GRM8: variants seen among roughly 807,000 people sequenced by gnomAD.
GRM8 encodes metabotropic glutamate receptor 8.
GRM8 carries 47 observed loss-of-function variants against 87.2 expected under a neutral mutation model. The observed-to-expected ratio is 0.54, with a 90% CI of 0.43 to 0.69. The LOEUF (loss-of-function observed/expected upper bound fraction) is 0.69, where lower values mean the gene tolerates loss of function less well. Among genes scored for constraint, GRM8 ranks in the 30% least tolerant of loss-of-function variants. The pLI is 0.00. For synonymous variants in GRM8, 396 were observed against 404.5 expected (o/e 0.98, Z 0.25); for missense variants, 1,019 against 1,139.2 (o/e 0.89, Z 1.52).
chr7:127,036,698 T>C (rs1817882138), intron 3 of GRM8, among the ~76,000 whole-genome samples: 1 of 152,112 alleles, frequency 6.6e-6, no homozygotes, highest in Non-Finnish European at 1.5e-5. Flanking sequence ...GGCTAGGAGA[T>C]TGTAAGGACA....
chr7:127,109,689 A>G (rs915380672), intron 2 of GRM8, among the ~76,000 whole-genome samples: 3 of 152,144 alleles, frequency 2.0e-5, no homozygotes, highest in African/African-American at 7.2e-5. Context: ...TGATCCTCTC[A>G]AGACCAAGCA....
intron 7 of GRM8, among the ~76,000 whole-genome samples, chr7:126,661,324 CTT>C (rs1335361923): frequency 6.6e-6 from 1 of 152,072 alleles, no homozygotes; most frequent in Non-Finnish European, 1.5e-5. Flanking sequence ...CAAATTAAAA[CTT>C]AAAAAAATCT....
At chr7:126,585,901 G>T (rs531638215) in intron 8 of GRM8, among the ~76,000 whole-genome samples, 2 of 152,172 alleles carry the variant, frequency 1.3e-5, no homozygotes, top group Admixed American at 1.3e-4. Flanking sequence ...GTCCCTGTTT[G>T]TAGATGACAT....
chr7:127,154,557 T>C (rs945155333), intron 2 of GRM8, among the ~76,000 whole-genome samples: 1 of 152,072 alleles, frequency 6.6e-6, no homozygotes, highest in Admixed American at 6.6e-5. Context: ...GCTTTAGGCA[T>C]GGAAGAAACT....
Position 126,829,211 on chromosome 7 carries a change from A to G in GRM8, c.1157-59146T>C, listed in dbSNP as rs1472077902. 1.1e-4 allele frequency among the ~76,000 whole-genome samples: 17 copies of G among 147,836 alleles called. No individual in the cohort carries two copies. In the East Asian group the frequency reaches 3.3e-3, roughly 29 times the overall value. On this transcript the variant is annotated intron_variant, in intron 6 of 10. Transcript: ENST00000339582. Reference sequence around the variant, plus strand: ...GGGGTGGAGAGTTCTGTAGATGTCTATTAGGTCTGCTTGGTGCAGAGCTGA... The same window carrying G: ...GGGGTGGAGAGTTCTGTAGATGTCTGTTAGGTCTGCTTGGTGCAGAGCTGA...
At chr7:126,673,759 A>C (rs1055880449) in intron 7 of GRM8, among the ~76,000 whole-genome samples, 2 of 152,222 alleles carry the variant, frequency 1.3e-5, no homozygotes, top group Non-Finnish European at 2.9e-5. Flanking sequence ...CCAAATTCTA[A>C]CATTTAATAG....
At chr7:126,531,664 T>C (rs997291022) in intron 9 of GRM8, among the ~76,000 whole-genome samples, 4 of 152,232 alleles carry the variant, frequency 2.6e-5, no homozygotes, top group African/African-American at 9.6e-5. Context: ...AAATTTTCCT[T>C]CAAAAAACCT....
chr7:126,927,220 C>G lies in GRM8; in HGVS notation c.728-22537G>C, dbSNP rs528212499. On this transcript the variant is annotated intron_variant, in intron 3 of 10. Coordinates refer to ENST00000339582, the MANE Select transcript of GRM8 (RefSeq NM_000845.3). Reference sequence around the variant, plus strand: ...GTGCTTTCACAGCTCACTGTAATCTCAAACTCCTGGGCTCAACTGATCTTA... The same window carrying G: ...GTGCTTTCACAGCTCACTGTAATCTGAAACTCCTGGGCTCAACTGATCTTA... 3.5e-4 allele frequency among the ~76,000 whole-genome samples: 54 copies of G among 152,176 alleles called. 1 individual carries two copies. The highest frequency in any genetic ancestry group is 5.9e-5 in the Non-Finnish European group (4 of 68,030).
intron 9 of GRM8, among the ~76,000 whole-genome samples, chr7:126,459,778 A>G (rs1803684743): frequency 6.6e-6 from 1 of 151,414 alleles, no homozygotes; most frequent in Non-Finnish European, 1.5e-5. Context: ...GCCCTATGAT[A>G]AGGAGAGTTG....
At chr7:126,902,302 C>T (rs1802165821) in intron 6 of GRM8, among the ~76,000 whole-genome samples, 1 of 152,058 alleles carries the variant, frequency 6.6e-6, no homozygotes, top group African/African-American at 2.4e-5. Flanking sequence ...CCCAGATACC[C>T]CAGTACTGTA....
At chr7:127,052,778 C>T (rs1819620943) in intron 3 of GRM8, among the ~76,000 whole-genome samples, 1 of 152,138 alleles carries the variant, frequency 6.6e-6, no homozygotes, top group South Asian at 2.1e-4. Context: ...CTTAGTTTCT[C>T]ATGTTTAGGA....
chr7:126,456,514 C>A (rs1584671081), intron 9 of GRM8, among the ~76,000 whole-genome samples: 1 of 23,906 alleles, frequency 4.2e-5, no homozygotes, highest in Non-Finnish European at 6.5e-5. Context: ...AAGAAAGCAG[C>A]AAGCTAAAAA....
At chr7:127,117,058 A>G (rs1826738382) in intron 2 of GRM8, among the ~76,000 whole-genome samples, 1 of 152,214 alleles carries the variant, frequency 6.6e-6, no homozygotes, top group South Asian at 2.1e-4. Flanking sequence ...CTAAGAAGCA[A>G]CTTTAAGTCA....
chr7:126,904,363 A>AC (rs2131231740), intron 4 of GRM8, among the ~76,000 whole-genome samples, 185 bp downstream of exon 4: 1 of 152,236 alleles, frequency 6.6e-6, no homozygotes, highest in East Asian at 1.9e-4. Flanking sequence ...TCTGTCTATC[A>AC]CCTTTGTTTG....
At chr7:126,951,580 G>C (rs1010256867) in intron 3 of GRM8, among the ~76,000 whole-genome samples, 5 of 152,040 alleles carry the variant, frequency 3.3e-5, no homozygotes, top group African/African-American at 1.2e-4. Context: ...ACAGTATCTT[G>C]ACTGGATACC....
chr7:126,655,803 T>G (rs1355108701), intron 7 of GRM8, among the ~76,000 whole-genome samples: 1 of 152,152 alleles, frequency 6.6e-6, no homozygotes, highest in Non-Finnish European at 1.5e-5. Flanking sequence ...ATTTAAAACA[T>G]CCACATGTGG....
intron 7 of GRM8, among the ~76,000 whole-genome samples, chr7:126,645,873 T>C (rs1216933874): frequency 4.6e-5 from 7 of 152,296 alleles, no homozygotes; most frequent in African/African-American, 1.2e-4. Flanking sequence ...TAAATCTCAG[T>C]TTCCATTTGC....
intron 9 of GRM8, among the ~76,000 whole-genome samples, chr7:126,468,974 C>G (rs1346918748): frequency 1.3e-5 from 2 of 152,064 alleles, no homozygotes; most frequent in African/African-American, 4.8e-5. Context: ...ATAGAAAAGA[C>G]AATTGGAGAA....
intron 7 of GRM8, among the ~76,000 whole-genome samples, chr7:126,677,292 A>G (rs749666353): frequency 6.6e-6 from 1 of 151,994 alleles, no homozygotes; most frequent in Non-Finnish European, 1.5e-5. Flanking sequence ...ATAGCACGGA[A>G]ATTTCTCAAA....
Sources: gnomAD v4.1 joint callset for allele counts (sites outside exome capture counted in the v4.1 genomes callset) on GRCh38, gnomAD v4.1.1 for gene constraint, MANE v1.5 for transcripts, NCBI Gene and HGNC (gene_info 2026-07-23, HGNC 2026-07-21) for gene names.